Variants in STON2 observed in about 807,000 individuals in gnomAD.
The protein encoded by STON2 is stonin-2.
A neutral mutation model predicts 65.7 loss-of-function variants in STON2; 29 were observed. The ratio of observed to expected loss-of-function variants is 0.44; its 90% CI spans 0.33 to 0.60. STON2 has a LOEUF of 0.60. Ranked by LOEUF, STON2 falls within the 20% of genes least tolerant of loss-of-function variation. STON2 has a pLI of 0.03. For missense variants in STON2, 1,054 were observed against 1,118.1 expected, an observed-to-expected ratio of 0.94 and a Z score of 0.82; for synonymous variants, 404 against 414.2, an observed-to-expected ratio of 0.98 and a Z score of 0.30.
At chr14:81,350,651 G>A (rs1221954354) in intron 4 of STON2, among the ~76,000 whole-genome samples, 1 of 152,052 alleles carries the variant, frequency 6.6e-6, no homozygotes, top group Non-Finnish European at 1.5e-5. Context: ...CGTAAAATGT[G>A]GAAATTCGAC....
intron 5 of STON2, among the ~76,000 whole-genome samples, chr14:81,322,256 C>T (rs1049390948): frequency 6.6e-6 from 1 of 152,088 alleles, no homozygotes. Flanking sequence ...GGTTTTGTAC[C>T]GTAACGTGTA....
intron 4 of STON2, among the ~76,000 whole-genome samples, chr14:81,353,419 C>A (rs942824584): frequency 6.6e-6 from 1 of 152,074 alleles, no homozygotes; most frequent in African/African-American, 2.4e-5. Flanking sequence ...TTCACCACCC[C>A]CAACAAAGAG....
At chr14:81,381,079 A>G (rs1230637278) in intron 3 of STON2, among the ~76,000 whole-genome samples, 1 of 152,218 alleles carries the variant, frequency 6.6e-6, no homozygotes, top group African/African-American at 2.4e-5. Flanking sequence ...TAATATATTT[A>G]TAAGTATTCA....
chr14:81,270,601 T>C, intron 7 of STON2, 69 bp downstream of exon 7: 1 of 1,613,602 alleles, frequency 6.2e-7, no homozygotes, highest in Non-Finnish European at 8.5e-7. Context: ...CTAAAAGGAA[T>C]AAGAGGGGGA....
intron 2 of STON2, among the ~76,000 whole-genome samples, chr14:81,396,990 G>A (rs557434653): frequency 1.2e-4 from 18 of 152,168 alleles, no homozygotes; most frequent in Admixed American, 4.6e-4. Flanking sequence ...TCCAGGAGGC[G>A]GAGGTTGCAG....
At chr14:81,358,398 T>C (rs1231523737) in intron 4 of STON2, among the ~76,000 whole-genome samples, 1 of 152,010 alleles carries the variant, frequency 6.6e-6, no homozygotes, top group Non-Finnish European at 1.5e-5. Context: ...AGCAAAAATC[T>C]TTAGTAGAAG....
At chr14:81,284,773 A>G (rs1365747743) in intron 5 of STON2, among the ~76,000 whole-genome samples, 1 of 152,210 alleles carries the variant, frequency 6.6e-6, no homozygotes, top group Non-Finnish European at 1.5e-5. Flanking sequence ...CAAAACTTCA[A>G]AGGACAGGCT....
chr14:81,325,501 G>A (rs1896974860), intron 4 of STON2, among the ~76,000 whole-genome samples: 1 of 151,752 alleles, frequency 6.6e-6, no homozygotes, highest in South Asian at 2.1e-4. Context: ...AGTATATAAG[G>A]GCATAAAATA....
At chr14:81,306,098 C>T (rs1896161606) in intron 5 of STON2, among the ~76,000 whole-genome samples, 1 of 151,068 alleles carries the variant, frequency 6.6e-6, no homozygotes, top group African/African-American at 2.4e-5. Flanking sequence ...TTGCAATACA[C>T]TCTCCTTTTT....
rs535005845 is a variant in STON2, at chr14:81,317,044, G to A, written c.742+6973C>T. 4.6e-5 allele frequency among the ~76,000 whole-genome samples: 7 copies of A among 152,188 alleles called. No individual in the cohort carries two copies. In the East Asian group the frequency reaches 5.8e-4, roughly 13 times the overall value. Reference sequence around the variant, plus strand: ...CAAAAAAAAAGAAAAAAGAAAAGAGGTTTATTTGGGCTCATGGTTGTGCAG... The same window carrying A: ...CAAAAAAAAAGAAAAAAGAAAAGAGATTTATTTGGGCTCATGGTTGTGCAG... On this transcript the variant is annotated intron_variant, in intron 5 of 7. Coordinates refer to ENST00000614646, the MANE Select transcript of STON2 (RefSeq NM_001394390.1).
At chr14:81,330,799 C>T (rs1434106603) in intron 4 of STON2, among the ~76,000 whole-genome samples, 1 of 152,212 alleles carries the variant, frequency 6.6e-6, no homozygotes, top group Non-Finnish European at 1.5e-5. Flanking sequence ...TTAGCACCTA[C>T]TCAAAAGTCC....
At chr14:81,347,515 T>C (rs1388920939) in intron 4 of STON2, among the ~76,000 whole-genome samples, 1 of 151,574 alleles carries the variant, frequency 6.6e-6, no homozygotes, top group African/African-American at 2.4e-5. Context: ...TAACATCAAT[T>C]CTTCTCAAAC....
In STON2 at chr14:81,308,781, CATATATATATATATAT is replaced by C. The variant is rs57821672; in HGVS notation, c.742+15220_742+15235del. ...TTCACCCAGAGGACATGGTTTTACC[CATATATATATATATAT>C]ATATATATATATATATATATATATA... On this transcript the variant is annotated intron_variant, in intron 5 of 7. Coordinates refer to ENST00000614646, the MANE Select transcript of STON2 (RefSeq NM_001394390.1). Among the ~76,000 whole-genome samples the C allele has an allele frequency of 4.6e-3, 42 of 9,160 alleles. 2 individuals are homozygous for C. The highest frequency in any genetic ancestry group is 0.015 in the African/African-American group (34 of 2,206). 6.0% of individuals were successfully genotyped at this position (9,160 alleles called of 152,430 possible). A position where few individuals can be genotyped will look rare whatever the true frequency, so the allele number is the denominator to read the frequency against.
At chr14:81,375,629 A>G (rs1899217533) in intron 3 of STON2, among the ~76,000 whole-genome samples, 1 of 152,062 alleles carries the variant, frequency 6.6e-6, no homozygotes, top group Admixed American at 6.6e-5. Context: ...TTGATATATC[A>G]AGCAAGCAAA....
At chr14:81,347,171 C>T (rs1438798234) in intron 4 of STON2, among the ~76,000 whole-genome samples, 2 of 151,320 alleles carry the variant, frequency 1.3e-5, no homozygotes, top group African/African-American at 2.4e-5. Context: ...ATTGATAAAC[C>T]TTTAGCTAGA....
intron 5 of STON2, among the ~76,000 whole-genome samples, chr14:81,286,926 C>T (rs111879140): frequency 2.6e-5 from 4 of 152,288 alleles, no homozygotes; most frequent in African/African-American, 7.2e-5. Context: ...TTCCTTAATG[C>T]TTGTTCATTA....
At chr14:81,345,698 T>A (rs978168001) in intron 4 of STON2, among the ~76,000 whole-genome samples, 1 of 151,950 alleles carries the variant, frequency 6.6e-6, no homozygotes, top group African/African-American at 2.4e-5. Flanking sequence ...GAGGCAGAGG[T>A]TGCAGTGAAC....
At chr14:81,343,385 G>A (rs1377264376) in intron 4 of STON2, among the ~76,000 whole-genome samples, 1 of 152,162 alleles carries the variant, frequency 6.6e-6, no homozygotes, top group African/African-American at 2.4e-5. Flanking sequence ...GGGAGGGGGA[G>A]AGGGGAGGCA....
rs1894254887 is a variant in STON2 at position 81,263,809 on chromosome 14, A to C, written c.*4605T>G. ...GCTGGATGGTAGTGCTTCCTACTTA[A>C]ACCAATTTAATATTCCCAAGGCTTT... is the stretch of plus-strand genomic sequence containing the variant. On this transcript the variant is annotated 3_prime_UTR_variant, in exon 8 of 8. Coordinates refer to ENST00000614646, the MANE Select transcript of STON2 (RefSeq NM_001394390.1). The C allele has an allele frequency of 1.0e-6, 1 of 985,376 alleles. No individual in the cohort carries two copies. Among genetic ancestry groups the C allele is most frequent in the African/African-American group, 1.7e-5 (1 of 57,336 alleles). The allele number at this position is 985,376 out of a possible 1,614,324, so 61.0% of individuals were successfully genotyped here. A position where few individuals can be genotyped will look rare whatever the true frequency, so the allele number is the denominator to read the frequency against.
Sources: gnomAD v4.1 joint callset for allele counts (sites outside exome capture counted in the v4.1 genomes callset) on GRCh38, gnomAD v4.1.1 for gene constraint, MANE v1.5 for transcripts, NCBI Gene and HGNC (gene_info 2026-07-23, HGNC 2026-07-21) for gene names.